The following ABCC1 variants were observed in gnomAD, a reference collection of about 807,000 sequenced individuals.
ABCC1 encodes the protein ATP binding cassette subfamily C member 1 (ABCC1 blood group), also known as multidrug resistance-associated protein 1.
ABCC1 carries 83 observed loss-of-function variants against 172.9 expected under a neutral mutation model. The observed-to-expected ratio is 0.48, with a 90% CI of 0.40 to 0.58. The LOEUF (loss-of-function observed/expected upper bound fraction) is 0.58. ABCC1 is among the 20% of genes least tolerant of loss of function. The pLI is 0.00. For synonymous variants in ABCC1, 937 were observed against 825.2 expected (o/e 1.14, Z -2.32); for missense variants, 1,817 against 2,002.7 (o/e 0.91, Z 1.77).
intron 20 of ABCC1, among the ~76,000 whole-genome samples, chr16:16,105,185 C>T (rs979284251): frequency 1.3e-5 from 2 of 152,256 alleles, no homozygotes; most frequent in Non-Finnish European, 2.9e-5. Context: ...CACGCTGTCA[C>T]TTCTCAATCT....
intron 1 of ABCC1, among the ~76,000 whole-genome samples, chr16:15,958,689 T>TC (rs1194279657): frequency 7.2e-5 from 11 of 152,128 alleles, no homozygotes; most frequent in African/African-American, 1.9e-4. Flanking sequence ...GAGGCAAGCT[T>TC]CCCCCCGCTT....
Position 16,125,463 on chromosome 16 carries a change from C to T in ABCC1, c.3718-347C>T, listed in dbSNP as rs568355965. Among the ~76,000 whole-genome samples, 4 of 152,172 alleles carry T rather than the reference C, an allele frequency of 2.6e-5. No individual in the cohort carries two copies. The South Asian group carries it at 8.3e-4, about 32-fold the overall frequency. On this transcript the variant is annotated intron_variant, in intron 25 of 30. Coordinates refer to ENST00000399410, the MANE Select transcript of ABCC1 (RefSeq NM_004996.4). ...TTTTTTTTGGAGACGGAATCTCACTCTGTCACCCAGGCTGGAATGCAGTGG... is the reference window on the plus strand; with the variant it reads ...TTTTTTTTGGAGACGGAATCTCACTTTGTCACCCAGGCTGGAATGCAGTGG...
chr16:16,036,858 C>T (rs985028524), intron 7 of ABCC1, among the ~76,000 whole-genome samples: 1 of 152,308 alleles, frequency 6.6e-6, no homozygotes, highest in Admixed American at 6.5e-5. Context: ...CTAATCCCAG[C>T]ACTTTGGGAG....
At chr16:16,105,642 T>C (rs1407907111) in intron 20 of ABCC1, among the ~76,000 whole-genome samples, 1 of 152,020 alleles carries the variant, frequency 6.6e-6, no homozygotes, top group Non-Finnish European at 1.5e-5. Flanking sequence ...TAGAGGAAAG[T>C]ATAGAAATTT....
At chr16:16,003,722 T>C (rs2047407486) in intron 1 of ABCC1, among the ~76,000 whole-genome samples, 1 of 99,400 alleles carries the variant, frequency 1.0e-5, no homozygotes, top group African/African-American at 3.7e-5. Context: ...GGTGGATGGG[T>C]GAATTGGTGG....
At chr16:16,071,439 A>G (rs1485766872) in intron 13 of ABCC1, among the ~76,000 whole-genome samples, 1 of 151,980 alleles carries the variant, frequency 6.6e-6, no homozygotes, top group East Asian at 1.9e-4. Context: ...GGGCTTTTAA[A>G]ACAAAGCAGA....
chr16:15,990,786 A>G (rs8057769), intron 1 of ABCC1, among the ~76,000 whole-genome samples: 2,197 of 150,040 alleles, frequency 0.015, 48 homozygotes, highest in African/African-American at 0.051. Context: ...AGTAGCTGGA[A>G]CCACAGGTGC....
At chr16:15,953,666 GAGA>G (rs1278980413) in intron 1 of ABCC1, among the ~76,000 whole-genome samples, 4 of 152,166 alleles carry the variant, frequency 2.6e-5, no homozygotes, top group Admixed American at 1.3e-4. Flanking sequence ...ACTGCCACTG[GAGA>G]AGACCAGAAG....
intron 1 of ABCC1, among the ~76,000 whole-genome samples, chr16:16,006,282 T>C (rs2047528145): frequency 6.6e-6 from 1 of 152,126 alleles, no homozygotes; most frequent in African/African-American, 2.4e-5. Flanking sequence ...CAGCTGGGCA[T>C]GGTGGTGCAC....
intron 1 of ABCC1, among the ~76,000 whole-genome samples, chr16:16,001,157 G>A (rs1410628233): frequency 6.6e-5 from 10 of 152,114 alleles, no homozygotes; most frequent in Non-Finnish European, 1.5e-4. Context: ...GAAGTAGATG[G>A]GACTTGAATG....
In ABCC1 at chr16:16,082,057, G is replaced by GGAGC. The variant is rs1567382642; in HGVS notation, c.2116-1309_2116-1308insGAGC. ...GGGCTCCCCTTGCCCCTCTGATAAAGCCCATGCTCCCCACCAAGTATAGGC... is the reference window on the plus strand; with the variant it reads ...GGGCTCCCCTTGCCCCTCTGATAAAGGAGCCCCATGCTCCCCACCAAGTATAGGC... On this transcript the variant is annotated intron_variant, in intron 16 of 30. Coordinates refer to ENST00000399410, the MANE Select transcript of ABCC1 (RefSeq NM_004996.4). Among the ~76,000 whole-genome samples, 9 of 152,208 alleles carry GGAGC rather than the reference G, an allele frequency of 5.9e-5. No individual in the cohort carries two copies. In the East Asian group the frequency reaches 1.7e-3, roughly 29 times the overall value.
At chr16:16,008,182 G>A (rs552562362) in intron 2 of ABCC1, among the ~76,000 whole-genome samples, 190 bp downstream of exon 2, 3 of 152,166 alleles carry the variant, frequency 2.0e-5, no homozygotes, top group African/African-American at 7.2e-5. Flanking sequence ...TCTTTGCTCT[G>A]CCGCTTAGTA....
chr16:16,132,499 T>TTTGG (rs374653119), intron 27 of ABCC1, among the ~76,000 whole-genome samples: 1 of 123,358 alleles, frequency 8.1e-6, no homozygotes, highest in East Asian at 2.1e-4. Flanking sequence ...TTTTTTGTTT[T>TTTGG]TTGGTTGGTT....
At chr16:16,139,385 G>C (rs1446358988) in intron 30 of ABCC1, among the ~76,000 whole-genome samples, 15 of 152,088 alleles carry the variant, frequency 9.9e-5, no homozygotes, top group Non-Finnish European at 2.2e-4. Flanking sequence ...GCCGAGGCAG[G>C]CAGATCACCT....
chr16:15,949,863 C>A, intron 1 of ABCC1, 64 bp downstream of exon 1: 1 of 1,167,888 alleles, frequency 8.6e-7, no homozygotes, highest in Non-Finnish European at 1.1e-6. Flanking sequence ...GGGAAAGCAC[C>A]GGGCCCGCAG....
At chr16:16,097,359 C>T (rs948425456) in intron 19 of ABCC1, among the ~76,000 whole-genome samples, 12 of 152,188 alleles carry the variant, frequency 7.9e-5, no homozygotes, top group Non-Finnish European at 1.6e-4. Context: ...GTGATCCACC[C>T]GCCTCAGCCT....
intron 2 of ABCC1, among the ~76,000 whole-genome samples, chr16:16,008,347 A>G (rs2047633038): frequency 6.6e-6 from 1 of 151,384 alleles, no homozygotes; most frequent in Admixed American, 6.6e-5. Context: ...AAATATATTT[A>G]TATAGATTTT....
intron 19 of ABCC1, among the ~76,000 whole-genome samples, chr16:16,097,530 G>A (rs2051536343): frequency 6.6e-6 from 1 of 152,216 alleles, no homozygotes; most frequent in South Asian, 2.1e-4. Flanking sequence ...GGCTGTTCAA[G>A]GCATGTCCTG....
At chr16:16,087,661 G>T (rs758749772) in intron 18 of ABCC1, among the ~76,000 whole-genome samples, 1 of 143,774 alleles carries the variant, frequency 7.0e-6, no homozygotes, top group African/African-American at 2.7e-5. Context: ...GTTTCACCAT[G>T]TTGGTCAGGC....
Sources: allele counts gnomAD v4.1 joint callset (sites outside exome capture counted in the v4.1 genomes callset), GRCh38; gene constraint gnomAD v4.1.1; transcripts MANE v1.5; gene names NCBI Gene and HGNC (gene_info 2026-07-23, HGNC 2026-07-21).